Variants in CHD6 observed in about 807,000 individuals in gnomAD.
CHD6 encodes chromodomain helicase DNA binding protein 6.
Under a neutral mutation model 276.9 loss-of-function variants are expected in CHD6, and 50 were observed. The observed-to-expected ratio is 0.18, with a 90% CI of 0.14 to 0.23. The LOEUF is 0.23. CHD6 is among the 10% of genes least tolerant of loss of function. The pLI, the probability that CHD6 is intolerant of heterozygous loss-of-function variation, is 1.00. For missense variants in CHD6, 2,564 were observed against 3,365.8 expected, an observed-to-expected ratio of 0.76 and a Z score of 5.89; for synonymous variants, 1,173 against 1,229.3, an observed-to-expected ratio of 0.95 and a Z score of 0.96.
rs2043710563 is a variant in CHD6, at chr20:41,497,259, C to A, written c.1092+125G>T. 3 of 709,542 alleles carry A rather than the reference C, an allele frequency of 4.2e-6. No individual in the cohort carries two copies. The East Asian group carries it at 7.7e-5, about 18-fold the overall frequency. 44.0% of individuals were successfully genotyped at this position (709,542 alleles called of 1,614,324 possible). On this transcript the variant is annotated intron_variant, in intron 8 of 36. Coordinates refer to ENST00000373233, the MANE Select transcript of CHD6 (RefSeq NM_032221.5). ...ACTAGTTTTGTTGCAAATCAGCACACATTTATCAATTTGACTTGAGCAACA... is the reference window on the plus strand; with the variant it reads ...ACTAGTTTTGTTGCAAATCAGCACAAATTTATCAATTTGACTTGAGCAACA...
chr20:41,452,806 T>C lies in CHD6; in HGVS notation c.3257A>G (p.Asn1086Ser), dbSNP rs200432623. The change falls in exon 21 of 37, where the codon AAT (asparagine) becomes AGT (serine). Residue 1086 changes from asparagine (N) to serine (S), a missense_variant. By Grantham distance (46) the Asn-to-Ser change is conservative. Around this residue, in one of 7 missense-constraint regions of CHD6, gnomAD observed 515 missense variants for 739.5 expected, o/e 0.70. Coordinates refer to ENST00000373233, the MANE Select transcript of CHD6 (RefSeq NM_032221.5). This position sits in a 1 kb window ranked among gnomAD's most constrained non-coding sequence, Gnocchi z 4.2. ...TCGGAGGTAGCGCCTGGCTTTGTCA[T>C]TGAGGCGCCTGGATCTCGTGGGCCT... ...DERPTRSRRL[N>S]DKARRYLRAE... 129 of 1,613,216 alleles carry C rather than the reference T, an allele frequency of 8.0e-5. No individual in the cohort carries two copies. In the East Asian group the frequency reaches 1.8e-3, roughly 23 times the overall value.
Position 41,518,409 on chromosome 20 carries a change from C to T in CHD6, c.555-3457G>A, listed in dbSNP as rs537612329. Among the ~76,000 whole-genome samples the T allele has an allele frequency of 8.5e-5, 13 of 152,278 alleles. No homozygotes were observed. The South Asian group carries it at 2.3e-3, about 27-fold the overall frequency. On this transcript the variant is annotated intron_variant, in intron 3 of 36. Coordinates refer to ENST00000373233, the MANE Select transcript of CHD6 (RefSeq NM_032221.5). ...AGAACTTCCTCAAAATATGACACTTCACTAGGAGACTTGTGTGCATTTTGA... is the reference window on the plus strand; with the variant it reads ...AGAACTTCCTCAAAATATGACACTTTACTAGGAGACTTGTGTGCATTTTGA...
rs1386910263 is a variant in CHD6 at position 41,438,946 on chromosome 20, C to G, written c.4007+1054G>C. Among the ~76,000 whole-genome samples the G allele has an allele frequency of 3.9e-5, 6 of 152,194 alleles. No homozygotes were observed. The East Asian group carries it at 1.2e-3, about 29-fold the overall frequency. On this transcript the variant is annotated intron_variant, in intron 26 of 36. Transcript: ENST00000373233. ...CACTGCACACTTTTCTTGGCCTGAG[C>G]AAATAGTTAGGGGCTCCTGGCAGTG...
chr20:41,427,798 T>A (rs759412802), intron 27 of CHD6, among the ~76,000 whole-genome samples: 1 of 152,234 alleles, frequency 6.6e-6, no homozygotes, highest in East Asian at 1.9e-4. Flanking sequence ...TTTTATCTTA[T>A]ACTACTATTT....
rs75278821 is a variant in CHD6, at chr20:41,605,151, T to C, written c.-24+13189A>G. Among the ~76,000 whole-genome samples, 17 of 152,212 alleles carry C rather than the reference T, an allele frequency of 1.1e-4. No individual in the cohort carries two copies. The East Asian group carries it at 3.1e-3, about 28-fold the overall frequency. On this transcript the variant is annotated intron_variant, in intron 1 of 36. Coordinates refer to ENST00000373233, the MANE Select transcript of CHD6 (RefSeq NM_032221.5). Reference sequence around the variant, plus strand: ...TGGTATTGTCACAAAAAAAGTCATATATAGAGAGACAGAAAGTTATAAAGC... The same window carrying C: ...TGGTATTGTCACAAAAAAAGTCATACATAGAGAGACAGAAAGTTATAAAGC...
At chr20:41,613,858 G>A (rs563219959) in intron 1 of CHD6, among the ~76,000 whole-genome samples, 6 of 152,182 alleles carry the variant, frequency 3.9e-5, no homozygotes, top group Admixed American at 2.6e-4. Context: ...ATTTTGGGGC[G>A]TTCACAGACC....
intron 1 of CHD6, among the ~76,000 whole-genome samples, chr20:41,591,796 A>G (rs1450032623): frequency 6.6e-6 from 1 of 152,152 alleles, no homozygotes; most frequent in Admixed American, 6.5e-5. Context: ...AGACCACTCC[A>G]CTAAGGTATA....
At chr20:41,516,895 CAAG>C (rs2044265999) in intron 3 of CHD6, among the ~76,000 whole-genome samples, 1 of 152,046 alleles carries the variant, frequency 6.6e-6, no homozygotes, top group Non-Finnish European at 1.5e-5. Flanking sequence ...AAGTGGGGAA[CAAG>C]AAGAGCCAAC....
chr20:41,527,711 A>C lies in CHD6; in HGVS notation c.554+5339T>G, dbSNP rs1307946484. ...AGATGCAAAAACTGTTGTTGAGCAC[A>C]GATCTACTGCATAACAGTTCTTGCT... On this transcript the variant is annotated intron_variant, in intron 3 of 36. Coordinates refer to ENST00000373233, the MANE Select transcript of CHD6 (RefSeq NM_032221.5). Among the ~76,000 whole-genome samples, 7 of 152,376 alleles carry C rather than the reference A, an allele frequency of 4.6e-5. No individual in the cohort carries two copies. In the East Asian group the frequency reaches 9.6e-4, roughly 21 times the overall value.
chr20:41,484,820 G>A (rs1398183129), intron 14 of CHD6, among the ~76,000 whole-genome samples: 3 of 152,160 alleles, frequency 2.0e-5, no homozygotes, highest in African/African-American at 4.8e-5. Flanking sequence ...AGCAATTACT[G>A]AGAATCTAGT....
At chr20:41,480,495 T>C (rs2043270376) in intron 16 of CHD6, among the ~76,000 whole-genome samples, 1 of 152,194 alleles carries the variant, frequency 6.6e-6, no homozygotes, top group Non-Finnish European at 1.5e-5. Context: ...AATTTCACAT[T>C]TTCCTAAGTC....
intron 1 of CHD6, among the ~76,000 whole-genome samples, chr20:41,557,567 G>C (rs897731609): frequency 3.3e-5 from 5 of 152,096 alleles, no homozygotes; most frequent in African/African-American, 1.2e-4. Context: ...TCACAGAAAT[G>C]ATTTAAATTC....
chr20:41,596,588 C>T (rs1201415052), intron 1 of CHD6, among the ~76,000 whole-genome samples: 1 of 119,512 alleles, frequency 8.4e-6, no homozygotes, highest in Non-Finnish European at 1.9e-5. Context: ...AACAATGCAG[C>T]CCACCGAGAA....
chr20:41,427,820 A>G (rs1032921291), intron 27 of CHD6, among the ~76,000 whole-genome samples: 1 of 152,254 alleles, frequency 6.6e-6, no homozygotes, highest in Non-Finnish European at 1.5e-5. Flanking sequence ...GGCAGTTAAA[A>G]AAACAACCTA....
chr20:41,560,517 T>C (rs1038199184), intron 1 of CHD6, among the ~76,000 whole-genome samples: 1 of 152,178 alleles, frequency 6.6e-6, no homozygotes, highest in Non-Finnish European at 1.5e-5. Flanking sequence ...TGTATCACCA[T>C]GTTATTATCA....
At chr20:41,610,768 TAAA>T (rs914130113) in intron 1 of CHD6, among the ~76,000 whole-genome samples, 9 of 114,840 alleles carry the variant, frequency 7.8e-5, no homozygotes, top group Non-Finnish European at 1.1e-4. Context: ...AAAAAATAAA[TAAA>T]TAAATAAATA....
intron 17 of CHD6, among the ~76,000 whole-genome samples, chr20:41,468,707 C>T (rs374335826): frequency 3.3e-5 from 5 of 152,208 alleles, no homozygotes; most frequent in South Asian, 2.1e-4. Context: ...TCCAGACACA[C>T]GTACTGTCAA....
At chr20:41,458,861 G>A (rs1024875454) in intron 17 of CHD6, among the ~76,000 whole-genome samples, 3 of 152,132 alleles carry the variant, frequency 2.0e-5, no homozygotes, top group Non-Finnish European at 2.9e-5. Context: ...CCATGTGAGT[G>A]AGCCCTGCAG....
At chr20:41,497,876 G>A (rs777649098) in intron 7 of CHD6, 3 of 441,644 alleles carry the variant, frequency 6.8e-6, no homozygotes, top group African/African-American at 4.0e-5. Context: ...GGTTGCATAT[G>A]AGAATTGCCC....
Sources: allele counts gnomAD v4.1 joint callset (sites outside exome capture counted in the v4.1 genomes callset), GRCh38; gene constraint gnomAD v4.1.1; regional missense constraint gnomAD v4.1.1; non-coding constraint Gnocchi (gnomAD v3.1); transcripts MANE v1.5; gene names NCBI Gene and HGNC (gene_info 2026-07-23, HGNC 2026-07-21).